Variants in DHRSX observed in about 807,000 individuals in gnomAD.
DHRSX encodes the protein dehydrogenase/reductase X-linked.
Under a neutral mutation model 34.0 loss-of-function variants are expected in DHRSX, and 31 were observed. That is an observed-to-expected ratio of 0.91 (90% confidence interval 0.69 to 1.23). The LOEUF is 1.23. Ranked by LOEUF, DHRSX falls within the 50% of genes most tolerant of loss-of-function variation. The pLI, the probability that DHRSX is intolerant of heterozygous loss-of-function variation, is 0.00. For synonymous variants in DHRSX, 201 were observed against 183.8 expected (o/e 1.09, Z -0.76); for missense variants, 414 against 428.1 (o/e 0.97, Z 0.29).
chrX:2,301,232 G>A (rs1452904197), intron 3 of DHRSX, among the ~76,000 whole-genome samples: 1 of 152,194 alleles, frequency 6.6e-6, no homozygotes, highest in African/African-American at 2.4e-5. Context: ...GGCCAACATG[G>A]CAAAACCCTG....
intron 6 of DHRSX, among the ~76,000 whole-genome samples, chrX:2,230,616 GGA>G (rs2015854597): frequency 6.6e-6 from 1 of 152,208 alleles, no homozygotes; most frequent in South Asian, 2.1e-4. Flanking sequence ...TTTAAGCGAA[GGA>G]GAGGACGCTT....
At chrX:2,291,038 T>C (rs1569484401) in intron 4 of DHRSX, among the ~76,000 whole-genome samples, 1 of 152,118 alleles carries the variant, frequency 6.6e-6, no homozygotes, top group Admixed American at 6.5e-5. Flanking sequence ...GTGTTGAAGA[T>C]TGGCAGATGG....
intron 3 of DHRSX, among the ~76,000 whole-genome samples, chrX:2,352,169 A>G (rs1402084805): frequency 6.6e-6 from 1 of 152,040 alleles, no homozygotes; most frequent in Non-Finnish European, 1.5e-5. Flanking sequence ...AGCTTAGCTG[A>G]TGACTCCTGG....
intron 1 of DHRSX, among the ~76,000 whole-genome samples, chrX:2,425,526 CCT>C (rs1033884769): frequency 9.2e-5 from 14 of 152,250 alleles, no homozygotes; most frequent in South Asian, 2.1e-4. Flanking sequence ...TGATAAATCC[CCT>C]GTCATCCCCT....
intron 4 of DHRSX, among the ~76,000 whole-genome samples, chrX:2,291,204 T>C: frequency 6.6e-6 from 1 of 152,316 alleles, no homozygotes; most frequent in South Asian, 2.1e-4. Flanking sequence ...AGATAACATT[T>C]GGGAAAACAC....
intron 3 of DHRSX, among the ~76,000 whole-genome samples, chrX:2,305,835 T>C (rs1309117322): frequency 7.7e-6 from 1 of 130,466 alleles, no homozygotes; most frequent in East Asian, 2.2e-4. Context: ...CACTGGGGCC[T>C]GTTGGGGGGT....
At chrX:2,397,892 TG>T (rs2043432337) in intron 3 of DHRSX, among the ~76,000 whole-genome samples, 1 of 151,238 alleles carries the variant, frequency 6.6e-6, no homozygotes, top group Non-Finnish European at 1.5e-5. Flanking sequence ...TGTCGTCTAA[TG>T]GAAGAAGATT....
chrX:2,439,516 G>A (rs4892891), intron 1 of DHRSX, among the ~76,000 whole-genome samples: 120,541 of 152,030 alleles, frequency 0.79, 48,180 homozygotes, highest in East Asian at 1. Flanking sequence ...ATGGTTTGGG[G>A]ATGATTGAAG....
At chrX:2,322,314 C>G (rs1362646822) in intron 3 of DHRSX, among the ~76,000 whole-genome samples, 2 of 151,902 alleles carry the variant, frequency 1.3e-5, no homozygotes, top group East Asian at 3.9e-4. Flanking sequence ...TTTGGGACGC[C>G]AAGGCGGGTA....
rs182372966 is a variant in DHRSX, at chrX:2,366,458, A to G, written c.286+42287T>C. Among the ~76,000 whole-genome samples the G allele has an allele frequency of 3.6e-3, 553 of 152,204 alleles. 1 individual carries two copies. Among genetic ancestry groups the G allele is most frequent in the Middle Eastern group, 0.014 (4 of 294 alleles). On this transcript the variant is annotated intron_variant, in intron 3 of 6. Transcript: ENST00000334651. ...TCAGTCTCAAAAAAAAAAAGAAAAG[A>G]AAAGAAAAAGAAAATAGTTCAGGTA...
chrX:2,310,561 TGAGAGAGAGAGA>T (rs780086507), intron 3 of DHRSX, among the ~76,000 whole-genome samples: 4 of 144,350 alleles, frequency 2.8e-5, no homozygotes, highest in African/African-American at 1.1e-4. Flanking sequence ...TGTGTGTGTG[TGAGAGAGAGAGA>T]GAGAGGGAGA....
intron 3 of DHRSX, among the ~76,000 whole-genome samples, chrX:2,405,050 G>A (rs1425279066): frequency 6.6e-6 from 1 of 152,188 alleles, no homozygotes; most frequent in Non-Finnish European, 1.5e-5. Flanking sequence ...TGCAATGCCG[G>A]CTATGAAATT....
intron 6 of DHRSX, among the ~76,000 whole-genome samples, chrX:2,229,589 G>C (rs1186312484): frequency 6.6e-6 from 1 of 151,946 alleles, no homozygotes; most frequent in Non-Finnish European, 1.5e-5. Flanking sequence ...GATATGCATA[G>C]GTACGCATTT....
intron 5 of DHRSX, among the ~76,000 whole-genome samples, chrX:2,255,380 C>T (rs945872306): frequency 1.3e-5 from 2 of 151,984 alleles, no homozygotes; most frequent in African/African-American, 2.4e-5. Flanking sequence ...GAGTGAAATC[C>T]GAATCGAGAT....
At chrX:2,227,156 CAGGA>C (rs2015685257) in intron 6 of DHRSX, among the ~76,000 whole-genome samples, 1 of 151,998 alleles carries the variant, frequency 6.6e-6, no homozygotes, top group Non-Finnish European at 1.5e-5. Flanking sequence ...GAGAACCGGG[CAGGA>C]AGGGAGGGGA....
At chrX:2,285,715 T>C (rs1192255202) in intron 4 of DHRSX, among the ~76,000 whole-genome samples, 1 of 152,204 alleles carries the variant, frequency 6.6e-6, no homozygotes, top group Non-Finnish European at 1.5e-5. Context: ...AGTCCTTCCC[T>C]GAGGCTGCCT....
chrX:2,365,896 A>G (rs1485371362), intron 3 of DHRSX, among the ~76,000 whole-genome samples: 1 of 152,088 alleles, frequency 6.6e-6, no homozygotes, highest in Admixed American at 6.6e-5. Flanking sequence ...GCAAACCACC[A>G]TGGCACATGT....
intron 3 of DHRSX, among the ~76,000 whole-genome samples, chrX:2,311,990 T>A (rs941641453): frequency 6.6e-6 from 1 of 152,140 alleles, no homozygotes; most frequent in African/African-American, 2.4e-5. Flanking sequence ...GTAATGCTTC[T>A]GGGCACAAAA....
chrX:2,254,095 T>G (rs1227952949), intron 5 of DHRSX, among the ~76,000 whole-genome samples: 1 of 151,894 alleles, frequency 6.6e-6, no homozygotes, highest in Non-Finnish European at 1.5e-5. Context: ...CTTTATAAGT[T>G]ATTGTGATGG....
Sources: allele counts gnomAD v4.1 joint callset (sites outside exome capture counted in the v4.1 genomes callset), GRCh38; gene constraint gnomAD v4.1.1; transcripts MANE v1.5; gene names NCBI Gene and HGNC (gene_info 2026-07-23, HGNC 2026-07-21).